Variants in LDAH observed in about 807,000 individuals in gnomAD.
LDAH encodes the protein lipid droplet-associated hydrolase.
LDAH carries 26 observed loss-of-function variants against 29.6 expected under a neutral mutation model. That is an observed-to-expected ratio of 0.88 (90% confidence interval 0.64 to 1.22). The LOEUF (loss-of-function observed/expected upper bound fraction) is 1.22, where lower values mean the gene tolerates loss of function less well. Among genes scored for constraint, LDAH ranks in the 50% most tolerant of loss-of-function variants. The probability of loss-of-function intolerance (pLI) is 0.00; values close to 1 mark genes in which losing one functional copy is unlikely to be tolerated. For synonymous variants in LDAH, 117 were observed against 133.0 expected (o/e 0.88, Z 0.83); for missense variants, 344 against 387.3 (o/e 0.89, Z 0.94).
chr2:20,722,418 A>AGAATCT (rs1665719487), intron 5 of LDAH, among the ~76,000 whole-genome samples: 1 of 148,046 alleles, frequency 6.8e-6, no homozygotes, highest in East Asian at 2.0e-4. Flanking sequence ...TCACAGGGGT[A>AGAATCT]GACAGTAGAA....
At chr2:20,792,686 T>G (rs1054041886) in intron 2 of LDAH, among the ~76,000 whole-genome samples, 1 of 152,112 alleles carries the variant, frequency 6.6e-6, no homozygotes, top group Non-Finnish European at 1.5e-5. Flanking sequence ...ATTATAACAA[T>G]TAAAAACTGG....
intron 1 of LDAH, among the ~76,000 whole-genome samples, chr2:20,815,624 C>T (rs1377583629): frequency 4.6e-5 from 7 of 152,018 alleles, no homozygotes. Context: ...AGAAATGGCA[C>T]ATTTTTCAAA....
At position 20,709,629 on chromosome 2, in the gene LDAH, A is replaced by G. The variant is rs376423791; in HGVS notation, c.704-7977T>C. Among the ~76,000 whole-genome samples, 230 of 152,334 alleles carry G rather than the reference A, an allele frequency of 1.5e-3. 4 individuals carry two copies. The South Asian group carries it at 0.043, about 29-fold the overall frequency. Reference sequence around the variant, plus strand: ...CTAAAATATTAAATACAGAGTTACCATATTACCCAGCAATTCCACCTATAG... The same window carrying G: ...CTAAAATATTAAATACAGAGTTACCGTATTACCCAGCAATTCCACCTATAG... On this transcript the variant is annotated intron_variant, in intron 5 of 6. Coordinates refer to ENST00000237822, the MANE Select transcript of LDAH (RefSeq NM_021925.4).
intron 1 of LDAH, among the ~76,000 whole-genome samples, chr2:20,813,619 T>C (rs553412790): frequency 7.2e-5 from 11 of 152,294 alleles, no homozygotes; most frequent in African/African-American, 2.6e-4. Context: ...TTGCCAAGTG[T>C]GAAATTACTG....
chr2:20,710,393 T>C (rs1304951363), intron 5 of LDAH, among the ~76,000 whole-genome samples: 1 of 151,812 alleles, frequency 6.6e-6, no homozygotes. Context: ...AAGAAACAGA[T>C]ACCCTGAATA....
At chr2:20,695,212 A>G (rs1461671982) in intron 6 of LDAH, among the ~76,000 whole-genome samples, 1 of 152,164 alleles carries the variant, frequency 6.6e-6, no homozygotes, top group Non-Finnish European at 1.5e-5. Flanking sequence ...GAGGCATCTT[A>G]TGGGGAGTGG....
intron 3 of LDAH, among the ~76,000 whole-genome samples, chr2:20,777,481 G>A (rs1309397710): frequency 6.6e-6 from 1 of 152,094 alleles, no homozygotes; most frequent in Non-Finnish European, 1.5e-5. Context: ...CTGGAATGCA[G>A]TAGCACAATC....
rs570090274 is a variant in LDAH, at chr2:20,714,695, G to C, written c.704-13043C>G. Among the ~76,000 whole-genome samples the C allele has an allele frequency of 2.0e-4, 30 of 152,190 alleles. 1 individual carries two copies. In the South Asian group the frequency reaches 6.0e-3, roughly 31 times the overall value. On this transcript the variant is annotated intron_variant, in intron 5 of 6. Transcript: ENST00000237822. ...ATAGATGCAATACAAAATGATAAAG[G>C]GGATATCACCACCAATCTCACAGAA...
chr2:20,805,300 C>G (rs1671985894), intron 1 of LDAH, among the ~76,000 whole-genome samples: 1 of 152,126 alleles, frequency 6.6e-6, no homozygotes, highest in Non-Finnish European at 1.5e-5. Flanking sequence ...AATTAAAATG[C>G]TGGCTAGCTG....
At chr2:20,786,753 T>C (rs1167153146) in intron 3 of LDAH, among the ~76,000 whole-genome samples, 1 of 152,222 alleles carries the variant, frequency 6.6e-6, no homozygotes, top group Non-Finnish European at 1.5e-5. Context: ...GCCTGTGCTG[T>C]GATCTTCAAA....
intron 5 of LDAH, among the ~76,000 whole-genome samples, chr2:20,739,140 T>G (rs1667006240): frequency 6.6e-6 from 1 of 152,226 alleles, no homozygotes; most frequent in Admixed American, 6.5e-5. Flanking sequence ...TACTAAACCT[T>G]ATTAGTTCTT....
chr2:20,716,054 G>A (rs573427257), intron 5 of LDAH, among the ~76,000 whole-genome samples: 1 of 152,170 alleles, frequency 6.6e-6, no homozygotes, highest in Admixed American at 6.5e-5. Flanking sequence ...TTAGAATGGC[G>A]ATCATTAAAA....
At position 20,769,053 on chromosome 2, in the gene LDAH, G is replaced by A. The variant is rs1262077229; in HGVS notation, c.468+5757C>T. Among the ~76,000 whole-genome samples the A allele has an allele frequency of 4.0e-5, 6 of 151,864 alleles. No individual in the cohort carries two copies. In the East Asian group the frequency reaches 7.7e-4, roughly 20 times the overall value. On this transcript the variant is annotated intron_variant, in intron 4 of 6. Coordinates refer to ENST00000237822, the MANE Select transcript of LDAH (RefSeq NM_021925.4). ...TCAACCTTGAATCTCATGCCCGATC[G>A]ACCCCTCCACGCACACTCTGCCGCA...
In LDAH at chr2:20,750,068, C is replaced by T. The variant is rs1016956488; in HGVS notation, c.469-9863G>A. ...TGAAACAAAGTCTCATTCTGTCGCC[C>T]AGACTGGAGTGCCATGGTGCAATCT... On this transcript the variant is annotated intron_variant, in intron 4 of 6. Transcript: ENST00000237822. Among the ~76,000 whole-genome samples the T allele has an allele frequency of 4.0e-5, 6 of 150,868 alleles. No homozygotes were observed. In the East Asian group the frequency reaches 1.2e-3, roughly 29 times the overall value.
intron 2 of LDAH, among the ~76,000 whole-genome samples, chr2:20,795,196 A>G (rs561428359): frequency 6.6e-6 from 1 of 152,338 alleles, no homozygotes; most frequent in East Asian, 1.9e-4. Context: ...TGCAATGTAT[A>G]ACAGAAGTTG....
intron 6 of LDAH, among the ~76,000 whole-genome samples, chr2:20,688,828 CTT>C (rs57543886): frequency 0.039 from 4,347 of 111,880 alleles, 221 homozygotes; most frequent in African/African-American, 0.13. Context: ...TGGAGGTTTC[CTT>C]TTTTTTTTTT....
intron 2 of LDAH, among the ~76,000 whole-genome samples, chr2:20,796,444 C>T (rs1485599154): frequency 6.6e-6 from 1 of 152,162 alleles, no homozygotes; most frequent in Non-Finnish European, 1.5e-5. Flanking sequence ...CATCTATCAA[C>T]TTTTTAGTCA....
intron 5 of LDAH, among the ~76,000 whole-genome samples, chr2:20,732,081 T>C (rs776304997): frequency 2.0e-5 from 3 of 152,210 alleles, no homozygotes; most frequent in Non-Finnish European, 4.4e-5. Context: ...GTCTTGTTTC[T>C]AGTCTTAGAA....
intron 3 of LDAH, among the ~76,000 whole-genome samples, chr2:20,785,282 T>C (rs1204726451): frequency 6.6e-6 from 1 of 152,206 alleles, no homozygotes; most frequent in Non-Finnish European, 1.5e-5. Context: ...AAAAAGTCTT[T>C]CTTTCTCCTT....
Sources: gnomAD v4.1 joint callset for allele counts (sites outside exome capture counted in the v4.1 genomes callset) on GRCh38, gnomAD v4.1.1 for gene constraint, MANE v1.5 for transcripts, NCBI Gene and HGNC (gene_info 2026-07-23, HGNC 2026-07-21) for gene names.